MTA1: variants seen among roughly 807,000 people sequenced by gnomAD.
MTA1 encodes metastasis associated 1, also known as metastasis-associated protein MTA1.
Under a neutral mutation model 97.0 loss-of-function variants are expected in MTA1, and 15 were observed. The ratio of observed to expected loss-of-function variants is 0.15; its 90% CI spans 0.10 to 0.24. MTA1 has a LOEUF of 0.24. MTA1 is among the 10% of genes least tolerant of loss of function. The pLI is 1.00. For synonymous variants in MTA1, 435 were observed against 417.5 expected, an observed-to-expected ratio of 1.04 and a Z score of -0.51; for missense variants, 709 against 1,015.1, an observed-to-expected ratio of 0.70 and a Z score of 4.10.
chr14:105,456,941 C>T (rs1555430054), intron 7 of MTA1, among the ~76,000 whole-genome samples: 3 of 152,224 alleles, frequency 2.0e-5, no homozygotes, highest in Non-Finnish European at 4.4e-5. Context: ...GACACATGGC[C>T]CAGGATGTCC....
chr14:105,429,552 C>T (rs1355681763), intron 1 of MTA1, among the ~76,000 whole-genome samples: 3 of 150,628 alleles, frequency 2.0e-5, no homozygotes, highest in Admixed American at 6.6e-5. Context: ...CCCAGGTTCA[C>T]GCCATTCTCT....
At chr14:105,465,293 GC>G (rs1331085909) in intron 16 of MTA1, 110 bp downstream of exon 16, 3 of 942,146 alleles carry the variant, frequency 3.2e-6, no homozygotes, top group East Asian at 2.9e-5. Flanking sequence ...CTCCTGGACA[GC>G]CCCCCAGGGC....
chr14:105,438,884 C>T (rs2082410595), intron 2 of MTA1, 145 bp downstream of exon 2: 3 of 773,912 alleles, frequency 3.9e-6, no homozygotes, highest in Non-Finnish European at 6.3e-6. Flanking sequence ...TGACTCCGTC[C>T]ACTGTCACCT....
chr14:105,463,158 T>C lies in MTA1; in HGVS notation c.943-26T>C, dbSNP rs781926256. ...TGCCTGCCTCCTGCCCCTTCCTGCT[T>C]GTGTGACACGCCTCCTCCCACCCAG... On this transcript the variant is annotated intron_variant, in intron 10 of 20. Transcript: ENST00000331320. This position sits in a 1 kb window ranked among gnomAD's most constrained non-coding sequence, Gnocchi z 5.9. 6.2e-7 allele frequency: 1 copy of C among 1,608,212 alleles called. No homozygotes were observed. The highest frequency in any genetic ancestry group is 8.5e-7 in the Non-Finnish European group (1 of 1,178,144).
chr14:105,466,427 G>GTC lies in MTA1; in HGVS notation c.1626_1627insTC (p.Thr543SerfsTer12). 1 of 1,592,108 alleles carries GTC rather than the reference G, an allele frequency of 6.3e-7. No individual in the cohort carries two copies. Among genetic ancestry groups the GTC allele is most frequent in the Non-Finnish European group, 8.6e-7 (1 of 1,165,322 alleles). ...TTCTGCCTGTGTCATTCCCGGCAGAGACCCACCCCCGCCCCCCCAAGCCTG... is the reference window on the plus strand; with the variant it reads ...TTCTGCCTGTGTCATTCCCGGCAGAGTCACCCACCCCCGCCCCCCCAAGCCTG... On this transcript the variant is annotated frameshift_variant and splice_region_variant, in exon 17 of 21. Coordinates refer to ENST00000331320, the MANE Select transcript of MTA1 (RefSeq NM_004689.4). LOFTEE classifies it high-confidence loss of function.
rs947161494 is a variant in MTA1 at position 105,424,775 on chromosome 14, C to T, written c.28+4712C>T. On this transcript the variant is annotated intron_variant, in intron 1 of 20. Transcript: ENST00000331320. This position sits in a 1 kb window ranked among gnomAD's most constrained non-coding sequence, Gnocchi z 4.0. ...CCTCCCAAAGTGCTGGGATTACAGG[C>T]GTGAGCCACGGTGCCTGGCCCCATA... Among the ~76,000 whole-genome samples the T allele has an allele frequency of 6.6e-6, 1 of 152,198 alleles. No individual in the cohort carries two copies. Among genetic ancestry groups the T allele is most frequent in the African/African-American group, 2.4e-5 (1 of 41,432 alleles).
At chr14:105,448,379 G>A (rs587613110) in intron 3 of MTA1, among the ~76,000 whole-genome samples, 1 of 152,170 alleles carries the variant, frequency 6.6e-6, no homozygotes, top group Non-Finnish European at 1.5e-5. Context: ...TCTGCTGACC[G>A]GGACGCTGGT....
chr14:105,452,750 CG>C (rs1555429011), intron 6 of MTA1, among the ~76,000 whole-genome samples: 1 of 152,200 alleles, frequency 6.6e-6, no homozygotes, highest in African/African-American at 2.4e-5. Flanking sequence ...TCTGGATAGT[CG>C]TGTCAGTTCA....
chr14:105,468,480 C>T lies in MTA1; in HGVS notation c.1814-987C>T, dbSNP rs376669276. ...ACCTGGGCCCCCACCTGACCCTGCC[C>T]GGCAGAGCTAAGCAAACTGGCAGGG... On this transcript the variant is annotated intron_variant, in intron 18 of 20. Coordinates refer to ENST00000331320, the MANE Select transcript of MTA1 (RefSeq NM_004689.4). The T allele has an allele frequency of 6.2e-5, 55 of 885,298 alleles. No individual in the cohort carries two copies. In the African/African-American group the frequency reaches 6.6e-4, roughly 11 times the overall value. The allele number at this position is 885,298 out of a possible 1,614,324, so 54.8% of individuals were successfully genotyped here.
Position 105,463,032 on chromosome 14 carries a change from C to G in MTA1, c.943-152C>G. Reference sequence around the variant, plus strand: ...TCAGCTGCCCTCTGCACCTGCCTGCCAGCAGGGGCCTGGCCTCCGTGCACC... The same window carrying G: ...TCAGCTGCCCTCTGCACCTGCCTGCGAGCAGGGGCCTGGCCTCCGTGCACC... On this transcript the variant is annotated intron_variant, in intron 10 of 20. Transcript: ENST00000331320. The surrounding 1 kb of genome is among the most constrained non-coding windows in gnomAD (Gnocchi z 5.9). 1.4e-6 allele frequency: 1 copy of G among 728,872 alleles called. No individual in the cohort carries two copies. Among genetic ancestry groups the G allele is most frequent in the Non-Finnish European group, 2.3e-6 (1 of 429,292 alleles). The allele number at this position is 728,872 out of a possible 1,614,324, so 45.2% of individuals were successfully genotyped here.
chr14:105,465,070 C>T, intron 15 of MTA1, 24 bp from the exon 16 acceptor site: 1 of 1,492,436 alleles, frequency 6.7e-7, no homozygotes, highest in Non-Finnish European at 9.0e-7. Context: ...TGCCCCACCC[C>T]TCACACCGTG....
At chr14:105,448,173 G>A (rs782428176) in intron 3 of MTA1, among the ~76,000 whole-genome samples, 2 of 152,154 alleles carry the variant, frequency 1.3e-5, no homozygotes, top group Non-Finnish European at 2.9e-5. Flanking sequence ...AGCCAAGAGT[G>A]GGAGTGAGGG....
intron 1 of MTA1, among the ~76,000 whole-genome samples, chr14:105,431,352 C>T (rs1304560997): frequency 6.6e-6 from 1 of 152,148 alleles, no homozygotes; most frequent in Non-Finnish European, 1.5e-5. Flanking sequence ...GCATGAGCCA[C>T]TGTGCCCAGC....
At chr14:105,429,062 C>G (rs1012823881) in intron 1 of MTA1, among the ~76,000 whole-genome samples, 3 of 152,160 alleles carry the variant, frequency 2.0e-5, no homozygotes, top group Non-Finnish European at 4.4e-5. Flanking sequence ...GGCTTCTTTC[C>G]TTGAACTTCA....
chr14:105,464,986 C>T (rs1307446243), intron 15 of MTA1, 108 bp from the exon 16 acceptor site: 17 of 1,360,404 alleles, frequency 1.2e-5, no homozygotes, highest in African/African-American at 1.1e-4. Context: ...ACGTCCTCCT[C>T]GGTGCTGACA....
At chr14:105,469,727 A>G (rs10150915) in intron 19 of MTA1, 114 bp from the exon 20 acceptor site, 1,435,669 of 1,442,952 alleles carry the variant, frequency 0.99, 714,463 homozygotes, top group East Asian at 1. Context: ...GGTCCGTGTA[A>G]CTCACTGGGG....
chr14:105,465,101 G>T lies in MTA1; in HGVS notation c.1542G>T (p.Ala514=). 6.6e-7 allele frequency: 1 copy of T among 1,514,974 alleles called. No homozygotes were observed. 93.8% of individuals were successfully genotyped at this position (1,514,974 alleles called of 1,614,324 possible). The change falls in exon 16 of 21, where the codon GCG becomes GCT. Residue 514 remains alanine (A), a synonymous_variant. Coordinates refer to ENST00000331320, the MANE Select transcript of MTA1 (RefSeq NM_004689.4). ...CCGTGTGGTACCCCGCAGGCACGGC[G>T]CGGCTGCCCGAAGCCTCCCAGAGCC... ...NSAAIKAECT[A]RLPEASQSPL... is the part of the protein sequence containing the mutation.
At chr14:105,444,170 G>A (rs782188309) in intron 2 of MTA1, among the ~76,000 whole-genome samples, 35 of 152,026 alleles carry the variant, frequency 2.3e-4, no homozygotes, top group South Asian at 1.5e-3. Context: ...TCAGGAGATC[G>A]AGGCCATCCT....
chr14:105,426,644 C>T (rs761470603), intron 1 of MTA1, among the ~76,000 whole-genome samples: 4 of 152,218 alleles, frequency 2.6e-5, no homozygotes, highest in Non-Finnish European at 5.9e-5. Context: ...CGTCTGTCTG[C>T]ATCCCCTGGG....
Sources: allele counts gnomAD v4.1 joint callset (sites outside exome capture counted in the v4.1 genomes callset), GRCh38; gene constraint gnomAD v4.1.1; non-coding constraint Gnocchi (gnomAD v3.1); transcripts MANE v1.5; gene names NCBI Gene and HGNC (gene_info 2026-07-23, HGNC 2026-07-21).